RO60: variants seen among roughly 807,000 people sequenced by gnomAD.
The protein encoded by RO60 is RNA-binding protein RO60.
In RO60, 20 loss-of-function variants were observed where a neutral mutation model predicts 55.3. The observed-to-expected ratio is 0.36, with a 90% CI of 0.25 to 0.53. The LOEUF is 0.53. RO60 is among the 20% of genes least tolerant of loss of function. The pLI, the probability that RO60 is intolerant of heterozygous loss-of-function variation, is 0.92. For missense variants in RO60, 558 were observed against 646.6 expected, an observed-to-expected ratio of 0.86 and a Z score of 1.49; for synonymous variants, 213 against 213.6, an observed-to-expected ratio of 1.00 and a Z score of 0.02.
Position 193,077,025 on chromosome 1 carries a change from A to C in RO60, c.1061A>C (p.Asp354Ala), listed in dbSNP as rs759086906. Residue 354 changes from aspartate (D) to alanine (A), a missense_variant, in exon 5 of 9, where the codon GAT becomes GCT. Physicochemically the swap from Asp to Ala is moderately radical, Grantham distance 126 (BLOSUM62 -2). Transcript: ENST00000400968. ...RPDEEILKAL[D>A]AAFYKTFKTV... ...GATGAAGAAATTTTGAAAGCATTGG[A>C]TGCTGCTTTTTATAAAACATTTAAG... The C allele has an allele frequency of 1.2e-5, 20 of 1,611,534 alleles. No individual in the cohort carries two copies. The highest frequency in any genetic ancestry group is 1.7e-5 in the Admixed American group (1 of 59,844).
Position 193,059,842 on chromosome 1 carries a change from C to G in RO60, c.-22+66C>G. 7.3e-7 allele frequency: 1 copy of G among 1,361,664 alleles called. No homozygotes were observed. The highest frequency in any genetic ancestry group is 1.1e-5 in the South Asian group (1 of 87,058). 84.3% of individuals were successfully genotyped at this position (1,361,664 alleles called of 1,614,324 possible). Reference sequence around the variant, plus strand: ...GGCCCCAGGGACGCGCAAATTCTGACCAGTCCTCCATGTCTCTCACCCGCA... The same window carrying G: ...GGCCCCAGGGACGCGCAAATTCTGAGCAGTCCTCCATGTCTCTCACCCGCA... On this transcript the variant is annotated intron_variant, in intron 1 of 8. Coordinates refer to ENST00000400968, the MANE Select transcript of RO60 (RefSeq NM_001173524.2). The surrounding 1 kb of genome is among the most constrained non-coding windows in gnomAD (Gnocchi z 4.9).
At position 193,084,644 on chromosome 1, in the gene RO60, C is replaced by T. The variant is rs748397192; in HGVS notation, c.1530C>T (p.Asp510=). The change falls in exon 9 of 9, where the codon GAC becomes GAT. Residue 510 remains aspartate, a synonymous_variant. Coordinates refer to ENST00000400968, the MANE Select transcript of RO60 (RefSeq NM_001173524.2). ...CATCAAATGGTTTCACCATTGCAGA[C>T]CCAGATGATAGAGGCATGTTGGATA... ...GMTSNGFTIA[D]PDDRGMLDMC... The T allele has an allele frequency of 1.2e-6, 2 of 1,613,828 alleles. No homozygotes were observed. The highest frequency in any genetic ancestry group is 1.7e-6 in the Non-Finnish European group (2 of 1,179,898).
At chr1:193,084,541 T>C in intron 8 of RO60, 38 bp from the exon 9 acceptor site, 1 of 1,578,532 alleles carries the variant, frequency 6.3e-7, no homozygotes. Context: ...TTTCCTTACA[T>C]TTATGTTTTT....
rs1205625406 is a variant in RO60, at chr1:193,069,174, T to C, written c.120T>C (p.Gly40=). 1 of 1,614,084 alleles carries C rather than the reference T, an allele frequency of 6.2e-7. No individual in the cohort carries two copies. The highest frequency in any genetic ancestry group is 2.2e-5 in the East Asian group (1 of 44,896). Residue 40 remains glycine, a synonymous_variant, in exon 2 of 9, where the codon GGT becomes GGC. Coordinates refer to ENST00000400968, the MANE Select transcript of RO60 (RefSeq NM_001173524.2). ...MNRLHRFLCF[G]SEGGTYYIKE... Reference sequence around the variant, plus strand: ...GACTACACCGGTTCTTATGTTTCGGTTCTGAAGGTGGGACTTATTATATCA... The same window carrying C: ...GACTACACCGGTTCTTATGTTTCGGCTCTGAAGGTGGGACTTATTATATCA...
intron 1 of RO60, among the ~76,000 whole-genome samples, chr1:193,062,830 C>T (rs1672869127): frequency 6.6e-6 from 1 of 152,160 alleles, no homozygotes; most frequent in African/African-American, 2.4e-5. Context: ...ATAATGTTTT[C>T]AAGGTTTGTT....
chr1:193,071,711 A>C (rs1673515431), intron 2 of RO60, among the ~76,000 whole-genome samples: 4 of 149,744 alleles, frequency 2.7e-5, no homozygotes, highest in Admixed American at 1.3e-4. Context: ...GCAGAAGCTC[A>C]TCTTTGCATG....
intron 5 of RO60, 44 bp from the exon 6 acceptor site, chr1:193,081,320 T>A (rs988602252): frequency 4.4e-6 from 5 of 1,133,336 alleles, no homozygotes; most frequent in Non-Finnish European, 6.6e-6. Flanking sequence ...AGTCTACTTA[T>A]AATTTCTGTT....
At position 193,082,654 on chromosome 1, in the gene RO60, T is replaced by C. The variant is rs572674255; in HGVS notation, c.1410T>C (p.Asn470=). The change falls in exon 8 of 9, where the codon AAT becomes AAC. Residue 470 remains asparagine, a synonymous_variant. Coordinates refer to ENST00000400968, the MANE Select transcript of RO60 (RefSeq NM_001173524.2). ...PADVFIVFTD[N]ETFAGGVHPA... is the part of the protein sequence containing the mutation. ...ATGTCTTCATTGTATTCACTGATAA[T>C]GAGACCTTTGCTGGAGGTGTCCATC... The C allele has an allele frequency of 1.1e-5, 18 of 1,613,766 alleles. No homozygotes were observed. The South Asian group carries it at 1.2e-4, about 11-fold the overall frequency.
chr1:193,065,720 C>A (rs1268681248), intron 1 of RO60, among the ~76,000 whole-genome samples: 1 of 152,154 alleles, frequency 6.6e-6, no homozygotes, highest in African/African-American at 2.4e-5. Flanking sequence ...TCCACTGCAA[C>A]AGGAGTTTCA....
intron 1 of RO60, 134 bp from the exon 2 acceptor site, chr1:193,068,900 G>A: frequency 1.6e-6 from 1 of 627,556 alleles, no homozygotes; most frequent in South Asian, 2.5e-5. Flanking sequence ...TTGTACTAAG[G>A]GAAAAACTAT....
rs745969439 is a variant in RO60, at chr1:193,069,686, A to T, written c.580+52A>T. 2.1e-6 allele frequency: 3 copies of T among 1,415,092 alleles called. No individual in the cohort carries two copies. In the Admixed American group the frequency reaches 6.8e-5, roughly 32 times the overall value. 87.7% of individuals were successfully genotyped at this position (1,415,092 alleles called of 1,614,324 possible). A position where few individuals can be genotyped will look rare whatever the true frequency, so the allele number is the denominator to read the frequency against. ...AAGGGTGGGTAAGGGATATTCAATA[A>T]ATAGCAAATTTTTATTTAACATAAG... On this transcript the variant is annotated intron_variant, in intron 2 of 8. Transcript: ENST00000400968.
Position 193,059,734 on chromosome 1 carries a change from C to T in RO60, c.-64C>T, listed in dbSNP as rs1421259823. The stretch of plus-strand genomic sequence containing the variant: ...TTTCCCAGCGCTGCGCAGGACTTCT[C>T]CTGGCGGCGCTGCGGATCCAGGGGG... On this transcript the variant is annotated 5_prime_UTR_variant, in exon 1 of 9. Transcript: ENST00000400968. This position sits in a 1 kb window ranked among gnomAD's most constrained non-coding sequence, Gnocchi z 4.9. 7.4e-7 allele frequency: 1 copy of T among 1,352,350 alleles called. No individual in the cohort carries two copies. The highest frequency in any genetic ancestry group is 1.5e-5 in the African/African-American group (1 of 67,730). The allele number at this position is 1,352,350 out of a possible 1,614,324, so 83.8% of individuals were successfully genotyped here.
chr1:193,067,421 G>A (rs988976955), intron 1 of RO60, among the ~76,000 whole-genome samples: 1 of 151,836 alleles, frequency 6.6e-6, no homozygotes, highest in Non-Finnish European at 1.5e-5. Context: ...ATCTGACCTC[G>A]TGATCCGCCC....
chr1:193,068,965 A>T, intron 1 of RO60, 69 bp from the exon 2 acceptor site: 1 of 1,000,778 alleles, frequency 1.0e-6, no homozygotes, highest in Non-Finnish European at 1.5e-6. Flanking sequence ...CAGTAAACCT[A>T]CATTTTGTTT....
intron 2 of RO60, among the ~76,000 whole-genome samples, chr1:193,072,062 G>A (rs1036079358): frequency 6.6e-6 from 1 of 152,064 alleles, no homozygotes; most frequent in African/African-American, 2.4e-5. Flanking sequence ...GGAGTGCAAT[G>A]GCACAATCTA....
At position 193,088,739 on chromosome 1, in the gene RO60, G is replaced by T. The variant is rs1231108095; in HGVS notation, c.*4008G>T. The T allele has an allele frequency of 6.6e-6, 1 of 151,952 alleles. No homozygotes were observed. The highest frequency in any genetic ancestry group is 1.9e-4 in the East Asian group (1 of 5,190). The allele number at this position is 151,952 out of a possible 1,614,324, so 9.4% of individuals were successfully genotyped here. A position where few individuals can be genotyped will look rare whatever the true frequency, so the allele number is the denominator to read the frequency against. ...ATGGCATCAGTGTAAACATGCACAA[G>T]AAAGAATTTGTAAAAAAAAATGACA... On this transcript the variant is annotated 3_prime_UTR_variant, in exon 9 of 9. Coordinates refer to ENST00000400968, the MANE Select transcript of RO60 (RefSeq NM_001173524.2).
In RO60 at chr1:193,082,265, T is replaced by G. The variant is rs373227877; in HGVS notation, c.1283T>G (p.Met428Arg). 4.3e-6 allele frequency: 7 copies of G among 1,613,036 alleles called. No homozygotes were observed. The African/African-American group carries it at 5.3e-5, about 12-fold the overall frequency. ...GTACCATGTCCAGTGACTACAGATATGACCTTACAACAGGTTTTAATGGCT... is the reference window on the plus strand; with the variant it reads ...GTACCATGTCCAGTGACTACAGATAGGACCTTACAACAGGTTTTAATGGCT... ...EMVPCPVTTD[M>R]TLQQVLMAMS... The change falls in exon 7 of 9, where the codon ATG (methionine) becomes AGG (arginine). Residue 428 changes from methionine (M) to arginine (R), a missense_variant. By Grantham distance (91) the Met-to-Arg change is moderately conservative (BLOSUM62 -1). Coordinates refer to ENST00000400968, the MANE Select transcript of RO60 (RefSeq NM_001173524.2).
At chr1:193,063,358 G>A (rs547405456) in intron 1 of RO60, among the ~76,000 whole-genome samples, 1 of 152,030 alleles carries the variant, frequency 6.6e-6, no homozygotes, top group African/African-American at 2.4e-5. Flanking sequence ...TTACCCATTT[G>A]TGTGTCTTTG....
At position 193,089,804 on chromosome 1, in the gene RO60, TTTC is replaced by T. The variant is rs1347547015; in HGVS notation, c.*5076_*5078del. On this transcript the variant is annotated 3_prime_UTR_variant, in exon 9 of 9. Transcript: ENST00000400968. ...TTATGAACATAAATGATATTTAACT[TTTC>T]TTTTTTTTTTTTTTTTTGAGACAGA... The T allele has an allele frequency of 1.4e-5, 2 of 147,826 alleles. No homozygotes were observed. The highest frequency in any genetic ancestry group is 2.6e-5 in the African/African-American group (1 of 37,822). 9.2% of individuals were successfully genotyped at this position (147,826 alleles called of 1,614,324 possible).
Sources: gnomAD v4.1 joint callset for allele counts (sites outside exome capture counted in the v4.1 genomes callset) on GRCh38, gnomAD v4.1.1 for gene constraint, Gnocchi (gnomAD v3.1) non-coding constraint, MANE v1.5 for transcripts, NCBI Gene and HGNC (gene_info 2026-07-23, HGNC 2026-07-21) for gene names.